KCNH7: variants seen among roughly 807,000 people sequenced by gnomAD.
KCNH7 encodes the protein voltage-gated inwardly rectifying potassium channel KCNH7.
KCNH7 carries 49 observed loss-of-function variants against 120.8 expected under a neutral mutation model. The ratio of observed to expected loss-of-function variants is 0.41; its 90% CI spans 0.32 to 0.51. The LOEUF is 0.51. Among genes scored for constraint, KCNH7 ranks in the 20% least tolerant of loss-of-function variants. The pLI, the probability that KCNH7 is intolerant of heterozygous loss-of-function variation, is 0.38. For missense variants in KCNH7, 1,097 were observed against 1,446.6 expected, an observed-to-expected ratio of 0.76 and a Z score of 3.92; for synonymous variants, 547 against 516.1, an observed-to-expected ratio of 1.06 and a Z score of -0.81.
chr2:162,780,548 C>G (rs1218441690), intron 2 of KCNH7, among the ~76,000 whole-genome samples: 1 of 152,050 alleles, frequency 6.6e-6, no homozygotes, highest in South Asian at 2.1e-4. Context: ...AGATAACAAC[C>G]CAGTGCCCTA....
At chr2:162,699,164 T>G (rs1331206592) in intron 2 of KCNH7, among the ~76,000 whole-genome samples, 1 of 152,072 alleles carries the variant, frequency 6.6e-6, no homozygotes, top group Non-Finnish European at 1.5e-5. Flanking sequence ...GTACAGTAGA[T>G]CTCTTGAACT....
intron 2 of KCNH7, among the ~76,000 whole-genome samples, chr2:162,599,875 GATTACAA>G: frequency 7.2e-6 from 1 of 138,880 alleles, no homozygotes; most frequent in Admixed American, 7.4e-5. Context: ...CCAAAGTACA[GATTACAA>G]TTCACTAGGT....
intron 2 of KCNH7, among the ~76,000 whole-genome samples, chr2:162,546,644 C>T (rs1051852087): frequency 5.1e-4 from 78 of 152,146 alleles, no homozygotes; most frequent in African/African-American, 1.8e-3. Context: ...GTATGACTGT[C>T]GAAAGGAACC....
At chr2:162,391,721 A>C (rs931424465) in intron 12 of KCNH7, among the ~76,000 whole-genome samples, 3 of 152,078 alleles carry the variant, frequency 2.0e-5, no homozygotes, top group African/African-American at 7.2e-5. Flanking sequence ...ATTTAGCTTA[A>C]GAATGAGGAA....
intron 2 of KCNH7, among the ~76,000 whole-genome samples, chr2:162,555,421 T>A (rs1420281149): frequency 6.6e-6 from 1 of 152,214 alleles, no homozygotes; most frequent in Non-Finnish European, 1.5e-5. Flanking sequence ...GACATTTTAT[T>A]TCATCCTTTA....
At chr2:162,829,772 T>C (rs964113980) in intron 2 of KCNH7, among the ~76,000 whole-genome samples, 2 of 34,570 alleles carry the variant, frequency 5.8e-5, no homozygotes, top group African/African-American at 2.5e-4. Context: ...GAAGTGTTCT[T>C]AAGAAAATGA....
intron 6 of KCNH7, among the ~76,000 whole-genome samples, chr2:162,484,220 AACACAC>A (rs71960380): frequency 2.7e-5 from 4 of 146,754 alleles, no homozygotes; most frequent in African/African-American, 5.0e-5. Context: ...TGAGTCTTTC[AACACAC>A]ACACACACAC....
chr2:162,688,552 T>C (rs1268503672), intron 2 of KCNH7, among the ~76,000 whole-genome samples: 2 of 152,086 alleles, frequency 1.3e-5, no homozygotes, highest in African/African-American at 2.4e-5. Flanking sequence ...TCAGAAATCA[T>C]AACATTGAAA....
chr2:162,400,042 C>T (rs1344438974), intron 10 of KCNH7, 147 bp downstream of exon 10: 7 of 881,444 alleles, frequency 7.9e-6, no homozygotes, highest in South Asian at 7.1e-5. Context: ...TTGGTTTGAA[C>T]TGAATTTTAA....
At chr2:162,654,753 G>A (rs1459866924) in intron 2 of KCNH7, among the ~76,000 whole-genome samples, 1 of 152,030 alleles carries the variant, frequency 6.6e-6, no homozygotes, top group African/African-American at 2.4e-5. Flanking sequence ...CAGATGAATG[G>A]GTAAAGAGAA....
intron 2 of KCNH7, among the ~76,000 whole-genome samples, chr2:162,770,740 T>C (rs893922448): frequency 6.6e-6 from 1 of 152,148 alleles, no homozygotes; most frequent in Admixed American, 6.6e-5. Flanking sequence ...ATTATCAATA[T>C]GTTGAAGACA....
chr2:162,589,558 C>G (rs1354570497), intron 2 of KCNH7, among the ~76,000 whole-genome samples: 7 of 151,992 alleles, frequency 4.6e-5, no homozygotes, highest in African/African-American at 1.7e-4. Context: ...AGAGCACAAA[C>G]TCTCACATGG....
At chr2:162,395,792 C>T (rs1360882360) in intron 11 of KCNH7, among the ~76,000 whole-genome samples, 2 of 151,664 alleles carry the variant, frequency 1.3e-5, no homozygotes, top group South Asian at 2.1e-4. Flanking sequence ...ATTCCTCTTT[C>T]TCTTTTAAGC....
intron 2 of KCNH7, among the ~76,000 whole-genome samples, chr2:162,582,598 C>G (rs902766559): frequency 6.6e-6 from 1 of 152,098 alleles, no homozygotes; most frequent in African/African-American, 2.4e-5. Flanking sequence ...CTGGCTGAGT[C>G]ATGCTGTTTG....
Position 162,777,538 on chromosome 2 carries a change from G to T in KCNH7, c.307+58999C>A, listed in dbSNP as rs570958188. ...TAGTAAAAGTGTAAGAGTAAATATTGAAGTTGAGGAGACGAATATATGTTG... is the reference window on the plus strand; with the variant it reads ...TAGTAAAAGTGTAAGAGTAAATATTTAAGTTGAGGAGACGAATATATGTTG... On this transcript the variant is annotated intron_variant, in intron 2 of 15. Coordinates refer to ENST00000332142, the MANE Select transcript of KCNH7 (RefSeq NM_033272.4). Among the ~76,000 whole-genome samples the T allele has an allele frequency of 1.8e-4, 27 of 152,206 alleles. 1 individual carries two copies. The highest frequency in any genetic ancestry group is 5.1e-4 in the African/African-American group (21 of 41,558).
chr2:162,595,964 T>TA (rs1694365729), intron 2 of KCNH7, among the ~76,000 whole-genome samples: 1 of 151,918 alleles, frequency 6.6e-6, no homozygotes, highest in African/African-American at 2.4e-5. Context: ...TATAATAGCA[T>TA]AAAAAATAAA....
intron 2 of KCNH7, among the ~76,000 whole-genome samples, chr2:162,618,350 A>G (rs1249118594): frequency 6.6e-6 from 1 of 152,018 alleles, no homozygotes; most frequent in Non-Finnish European, 1.5e-5. Context: ...TATTCTGGTA[A>G]TCCTTGATAC....
At chr2:162,451,646 A>G (rs2105573698) in intron 6 of KCNH7, among the ~76,000 whole-genome samples, 1 of 152,162 alleles carries the variant, frequency 6.6e-6, no homozygotes, top group Admixed American at 6.6e-5. Flanking sequence ...AGATAGTTGG[A>G]AGGCTGGGCT....
intron 2 of KCNH7, among the ~76,000 whole-genome samples, chr2:162,742,860 A>AT (rs1002256865): frequency 1.5e-4 from 23 of 152,160 alleles, no homozygotes; most frequent in South Asian, 4.1e-4. Context: ...TAGTGGAAGG[A>AT]TTTTTTTTGT....
Sources: gnomAD v4.1 joint callset for allele counts (sites outside exome capture counted in the v4.1 genomes callset) on GRCh38, gnomAD v4.1.1 for gene constraint, MANE v1.5 for transcripts, NCBI Gene and HGNC (gene_info 2026-07-23, HGNC 2026-07-21) for gene names.